PRELID2: variants seen among roughly 807,000 people sequenced by gnomAD.
PRELID2 encodes PRELI domain-containing protein 2.
A neutral mutation model predicts 28.4 loss-of-function variants in PRELID2; 25 were observed. The ratio of observed to expected loss-of-function variants is 0.88; its 90% CI spans 0.64 to 1.23. PRELID2 has a LOEUF of 1.23. Among genes scored for constraint, PRELID2 ranks in the 50% most tolerant of loss-of-function variants. The pLI is 0.00. For missense variants in PRELID2, 201 were observed against 214.4 expected (o/e 0.94, Z 0.39); for synonymous variants, 76 against 71.6 (o/e 1.06, Z -0.31).
the PRELID2 span, among the ~76,000 whole-genome samples, chr5:145,379,525 G>T: frequency 6.6e-6 from 1 of 152,152 alleles, no homozygotes; most frequent in Non-Finnish European, 1.5e-5. Flanking sequence ...GTCACTCAGG[G>T]TGAGGTAGGA....
chr5:145,474,394 A>T (rs1455017638), intron 1 of PRELID2, among the ~76,000 whole-genome samples: 1 of 152,190 alleles, frequency 6.6e-6, no homozygotes, highest in African/African-American at 2.4e-5. Flanking sequence ...CTGAAACTGA[A>T]TCTTCTTTTC....
At chr5:145,362,672 G>A in the PRELID2 span, among the ~76,000 whole-genome samples, 1 of 152,176 alleles carries the variant, frequency 6.6e-6, no homozygotes, top group East Asian at 1.9e-4. Flanking sequence ...AGAAAAAATA[G>A]TTATGATGAA....
At chr5:145,233,990 C>T in the PRELID2 span, among the ~76,000 whole-genome samples, 4 of 152,094 alleles carry the variant, frequency 2.6e-5, no homozygotes, top group African/African-American at 7.2e-5. Flanking sequence ...TACGTTTATG[C>T]TACTTTTCTA....
At chr5:145,487,332 G>A (rs1423914110) in intron 1 of PRELID2, among the ~76,000 whole-genome samples, 4 of 152,030 alleles carry the variant, frequency 2.6e-5, no homozygotes, top group Non-Finnish European at 2.9e-5. Flanking sequence ...CACTGTATTC[G>A]GGAGAGTTAT....
In PRELID2 at chr5:145,516,357, A is replaced by G. The variant is rs146118762; in HGVS notation, n.71-43042T>C. On this transcript the variant is annotated intron_variant and non_coding_transcript_variant, in intron 1 of 2. Coordinates refer to the PRELID2 transcript ENST00000510259. Reference sequence around the variant, plus strand: ...TTCTATACACCAATAAAAGACAGAGAGCCAAATCATGAGTGAACTCCCATT... The same window carrying G: ...TTCTATACACCAATAAAAGACAGAGGGCCAAATCATGAGTGAACTCCCATT... 1.4e-4 allele frequency among the ~76,000 whole-genome samples: 21 copies of G among 152,318 alleles called. No individual in the cohort carries two copies. In the East Asian group the frequency reaches 3.9e-3, roughly 28 times the overall value.
intron 1 of PRELID2, among the ~76,000 whole-genome samples, chr5:145,505,244 C>A (rs367770245): frequency 1.5e-4 from 23 of 152,290 alleles, no homozygotes; most frequent in Admixed American, 5.2e-4. Context: ...ACATTTACTA[C>A]CATCCAAGTG....
intron 1 of PRELID2, among the ~76,000 whole-genome samples, chr5:145,642,392 T>C (rs1364923173): frequency 6.6e-6 from 1 of 152,238 alleles, no homozygotes; most frequent in East Asian, 1.9e-4. Context: ...GTTATTTAAG[T>C]TCTTTGTAGA....
the PRELID2 span, among the ~76,000 whole-genome samples, chr5:145,231,042 C>T: frequency 1.3e-5 from 2 of 152,174 alleles, no homozygotes; most frequent in African/African-American, 4.8e-5. Context: ...AGAAGCACGT[C>T]ACTAAATACA....
At chr5:145,638,299 G>A in intron 1 of PRELID2, among the ~76,000 whole-genome samples, 1 of 151,928 alleles carries the variant, frequency 6.6e-6, no homozygotes, top group Non-Finnish European at 1.5e-5. Flanking sequence ...ATATATTCTG[G>A]CACTTGTGCT....
intron 1 of PRELID2, among the ~76,000 whole-genome samples, chr5:145,681,085 G>A (rs1036680384): frequency 9.9e-5 from 15 of 152,104 alleles, no homozygotes; most frequent in Admixed American, 2.6e-4. Flanking sequence ...TCTTCACTCC[G>A]GTACTGGAAA....
intron 1 of PRELID2, among the ~76,000 whole-genome samples, chr5:145,696,818 T>C (rs1170929029): frequency 6.6e-6 from 1 of 151,848 alleles, no homozygotes; most frequent in Non-Finnish European, 1.5e-5. Context: ...CAGCAATTTG[T>C]TGAGAACTCC....
At chr5:145,692,749 T>G (rs992820597) in intron 1 of PRELID2, among the ~76,000 whole-genome samples, 6 of 152,242 alleles carry the variant, frequency 3.9e-5, no homozygotes, top group Non-Finnish European at 8.8e-5. Flanking sequence ...CTCTGTGTCT[T>G]CATAAAGCAA....
At chr5:145,246,818 T>C in the PRELID2 span, among the ~76,000 whole-genome samples, 11 of 152,198 alleles carry the variant, frequency 7.2e-5, no homozygotes, top group Non-Finnish European at 2.9e-5. Flanking sequence ...TGTTCATTCC[T>C]GGGTGTAGGC....
At chr5:145,268,413 G>A in the PRELID2 span, among the ~76,000 whole-genome samples, 1 of 152,036 alleles carries the variant, frequency 6.6e-6, no homozygotes, top group Non-Finnish European at 1.5e-5. Context: ...TCCTCACTGT[G>A]TGTTTTTAGC....
intron 1 of PRELID2, among the ~76,000 whole-genome samples, chr5:145,697,068 TATATATATATATAC>T (rs1192645306): frequency 4.1e-5 from 5 of 121,444 alleles, no homozygotes; most frequent in African/African-American, 1.2e-4. Context: ...TATATATATA[TATATATATATATAC>T]ACACACACAC....
At chr5:145,812,622 T>C (rs1029847081) in intron 4 of PRELID2, among the ~76,000 whole-genome samples, 7 of 141,152 alleles carry the variant, frequency 5.0e-5, no homozygotes, top group Middle Eastern at 7.1e-3. Flanking sequence ...AGTAAACACA[T>C]GTAAGGGATG....
chr5:145,774,469 T>C (rs1302415903), intron 5 of PRELID2, among the ~76,000 whole-genome samples: 1 of 152,212 alleles, frequency 6.6e-6, no homozygotes, highest in Non-Finnish European at 1.5e-5. Context: ...CAACAGACTT[T>C]TGTTAACCAT....
chr5:145,450,502 G>T, the PRELID2 span, among the ~76,000 whole-genome samples: 39 of 152,174 alleles, frequency 2.6e-4, no homozygotes, highest in Non-Finnish European at 4.6e-4. Flanking sequence ...AGTCACTGAG[G>T]CTATGCAATG....
chr5:145,438,323 CA>C, the PRELID2 span, among the ~76,000 whole-genome samples: 237 of 152,186 alleles, frequency 1.6e-3, 2 homozygotes, highest in African/African-American at 5.4e-3. Flanking sequence ...AGTATATTAT[CA>C]AGCAAAACTC....
Sources: allele counts gnomAD v4.1 joint callset (sites outside exome capture counted in the v4.1 genomes callset), GRCh38; gene constraint gnomAD v4.1.1; transcripts MANE v1.5; gene names NCBI Gene and HGNC (gene_info 2026-07-23, HGNC 2026-07-21).